The following CASZ1 variants were observed in gnomAD, a reference collection of about 807,000 sequenced individuals.
The protein encoded by CASZ1 is zinc finger protein castor homolog 1.
A neutral mutation model predicts 135.2 loss-of-function variants in CASZ1; 28 were observed. That is an observed-to-expected ratio of 0.21 (90% confidence interval 0.15 to 0.28). The LOEUF (loss-of-function observed/expected upper bound fraction) is 0.28, where lower values mean the gene tolerates loss of function less well. CASZ1 is among the 10% of genes least tolerant of loss of function. The pLI, the probability that CASZ1 is intolerant of heterozygous loss-of-function variation, is 1.00. For synonymous variants in CASZ1, 1,068 were observed against 1,073.4 expected, an observed-to-expected ratio of 0.99 and a Z score of 0.10; for missense variants, 2,161 against 2,453.3, an observed-to-expected ratio of 0.88 and a Z score of 2.52.
rs115594972 is a variant in CASZ1 at position 10,718,337 on chromosome 1, T to C, written c.-76-12793A>G. Among the ~76,000 whole-genome samples the C allele has an allele frequency of 5.6e-3, 851 of 152,334 alleles. 12 individuals are homozygous for C. Among genetic ancestry groups the C allele is most frequent in the African/African-American group, 0.019 (793 of 41,580 alleles). On this transcript the variant is annotated intron_variant, in intron 2 of 20. Transcript: ENST00000377022. ...CCAGGCCCTGCGCCCACACACAGCC[T>C]GTTGGTTGAGGAATCAAATTTATTA...
chr1:10,754,419 A>T (rs1000417015), intron 2 of CASZ1, among the ~76,000 whole-genome samples: 1 of 152,200 alleles, frequency 6.6e-6, no homozygotes, highest in Admixed American at 6.5e-5. Context: ...ATGAATAGCC[A>T]GAGGTGACAG....
intron 4 of CASZ1, among the ~76,000 whole-genome samples, chr1:10,678,247 C>A: frequency 6.6e-6 from 1 of 152,206 alleles, no homozygotes; most frequent in East Asian, 1.9e-4. Flanking sequence ...GCGACGGCGA[C>A]CATGACGAGG....
chr1:10,675,911 G>A (rs569742684), intron 4 of CASZ1, among the ~76,000 whole-genome samples: 6 of 151,916 alleles, frequency 3.9e-5, no homozygotes, highest in South Asian at 2.1e-4. Flanking sequence ...AGGCCGGTCC[G>A]GGCCAGAGCT....
At position 10,788,285 on chromosome 1, in the gene CASZ1, G is replaced by A. The variant is rs989053446; in HGVS notation, c.-234+8279C>T. 6.6e-6 allele frequency among the ~76,000 whole-genome samples: 1 copy of A among 152,074 alleles called. No individual in the cohort carries two copies. The highest frequency in any genetic ancestry group is 2.4e-5 in the African/African-American group (1 of 41,378). ...AGTGCTAGCCCCGATCCACCTATGG[G>A]GTCCCCTGGGTGACAGTTTGACAGC... On this transcript the variant is annotated intron_variant, in intron 1 of 20. Coordinates refer to ENST00000377022, the MANE Select transcript of CASZ1 (RefSeq NM_001079843.3). The surrounding 1 kb of genome is among the most constrained non-coding windows in gnomAD (Gnocchi z 4.1).
rs1640262776 is a variant in CASZ1 at position 10,756,614 on chromosome 1, G to A, written c.-77+4087C>T. Among the ~76,000 whole-genome samples, 1 of 152,226 alleles carries A rather than the reference G, an allele frequency of 6.6e-6. No homozygotes were observed. The highest frequency in any genetic ancestry group is 1.5e-5 in the Non-Finnish European group (1 of 68,038). On this transcript the variant is annotated intron_variant, in intron 2 of 20. Transcript: ENST00000377022. The surrounding 1 kb of genome is among the most constrained non-coding windows in gnomAD (Gnocchi z 5.9). ...TGCCTGCCCCAACCTGGCCCTCACA[G>A]ATGGTGTCAGGACCCAGGAGAGTGG...
At chr1:10,744,769 T>C (rs2100541506) in intron 2 of CASZ1, among the ~76,000 whole-genome samples, 1 of 152,256 alleles carries the variant, frequency 6.6e-6, no homozygotes, top group East Asian at 1.9e-4. Context: ...GGGCAAGGAC[T>C]GTATGTCTGG....
Position 10,707,692 on chromosome 1 carries a change from G to T in CASZ1, c.-76-2148C>A, listed in dbSNP as rs1301847708. On this transcript the variant is annotated intron_variant, in intron 2 of 20. Coordinates refer to ENST00000377022, the MANE Select transcript of CASZ1 (RefSeq NM_001079843.3). The surrounding 1 kb of genome is among the most constrained non-coding windows in gnomAD (Gnocchi z 5.0). ...GACCCTGGGATACTGGGACCCCAGTGGGGGCCTAAGAAGTAGCTGAGAGTT... is the reference window on the plus strand; with the variant it reads ...GACCCTGGGATACTGGGACCCCAGTTGGGGCCTAAGAAGTAGCTGAGAGTT... Among the ~76,000 whole-genome samples, 2 of 152,154 alleles carry T rather than the reference G, an allele frequency of 1.3e-5. No individual in the cohort carries two copies. The highest frequency in any genetic ancestry group is 4.8e-5 in the African/African-American group (2 of 41,436).
chr1:10,750,126 A>G lies in CASZ1; in HGVS notation c.-77+10575T>C, dbSNP rs562950778. On this transcript the variant is annotated intron_variant, in intron 2 of 20. Coordinates refer to ENST00000377022, the MANE Select transcript of CASZ1 (RefSeq NM_001079843.3). ...CAGGCCAGAGCCATGGCTCTGAGAAACCCTGGCACACGTGTGGCCCAGGAG... is the reference window on the plus strand; with the variant it reads ...CAGGCCAGAGCCATGGCTCTGAGAAGCCCTGGCACACGTGTGGCCCAGGAG... 6.6e-5 allele frequency among the ~76,000 whole-genome samples: 10 copies of G among 152,084 alleles called. No homozygotes were observed. The East Asian group carries it at 1.9e-3, about 30-fold the overall frequency.
intron 8 of CASZ1, among the ~76,000 whole-genome samples, chr1:10,656,383 C>A (rs61776295): frequency 6.6e-6 from 1 of 152,150 alleles, no homozygotes; most frequent in Non-Finnish European, 1.5e-5. Context: ...GCCCTGGGCA[C>A]GTGGGAGGCT....
At chr1:10,664,993 G>T in intron 5 of CASZ1, 90 bp downstream of exon 5, 2 of 1,362,102 alleles carry the variant, frequency 1.5e-6, no homozygotes, top group South Asian at 1.8e-5. Context: ...CAGGAGTGAG[G>T]AGTCGGGTGT....
rs1639782702 is a variant in CASZ1 at position 10,735,602 on chromosome 1, G to A, written c.-77+25099C>T. On this transcript the variant is annotated intron_variant, in intron 2 of 20. Transcript: ENST00000377022. The surrounding 1 kb of genome is among the most constrained non-coding windows in gnomAD (Gnocchi z 5.1). ...TCTTAGCCAAGTGCCACGGACAGAA[G>A]TTTTGCCTTTACCCATCCCAAATGA... Among the ~76,000 whole-genome samples, 1 of 152,230 alleles carries A rather than the reference G, an allele frequency of 6.6e-6. No individual in the cohort carries two copies. Among genetic ancestry groups the A allele is most frequent in the Admixed American group, 6.5e-5 (1 of 15,282 alleles).
At chr1:10,786,784 AGT>A (rs1640867946) in intron 1 of CASZ1, among the ~76,000 whole-genome samples, 1 of 152,226 alleles carries the variant, frequency 6.6e-6, no homozygotes, top group Non-Finnish European at 1.5e-5. Context: ...GGCACAAAAC[AGT>A]AAAGCACACC....
At chr1:10,791,081 C>CAAAAAAAAAAAAAAAAAAAAA (rs61062042) in intron 1 of CASZ1, among the ~76,000 whole-genome samples, 2 of 121,196 alleles carry the variant, frequency 1.7e-5, no homozygotes, top group Non-Finnish European at 1.9e-5. Context: ...CTCTTCCCAT[C>CAAAAAAAAAAAAAAAAAAAAA]AAAAAAAAAA....
At chr1:10,667,194 G>A (rs1184205514) in intron 4 of CASZ1, among the ~76,000 whole-genome samples, 1 of 152,212 alleles carries the variant, frequency 6.6e-6, no homozygotes, top group African/African-American at 2.4e-5. Context: ...TGACTCATAC[G>A]CACAGATAAC....
intron 4 of CASZ1, 51 bp from the exon 5 acceptor site, chr1:10,665,622 C>A: frequency 6.7e-7 from 1 of 1,482,550 alleles, no homozygotes; most frequent in Middle Eastern, 2.5e-4. Flanking sequence ...AGGCCAAGAA[C>A]AACCCACCCT....
intron 2 of CASZ1, among the ~76,000 whole-genome samples, chr1:10,750,058 G>A (rs141552274): frequency 6.6e-6 from 1 of 152,282 alleles, no homozygotes; most frequent in Non-Finnish European, 1.5e-5. Context: ...CTAGACAGGG[G>A]CATTGCATGA....
chr1:10,754,192 A>G (rs1174413526), intron 2 of CASZ1, among the ~76,000 whole-genome samples: 1 of 152,042 alleles, frequency 6.6e-6, no homozygotes, highest in Non-Finnish European at 1.5e-5. Flanking sequence ...CAAACCATCC[A>G]TCCACCTGCC....
intron 1 of CASZ1, among the ~76,000 whole-genome samples, chr1:10,782,711 C>G (rs367717409): frequency 1.3e-5 from 2 of 150,368 alleles, no homozygotes; most frequent in African/African-American, 4.9e-5. Flanking sequence ...TTAACTCATT[C>G]GGGATCGCTG....
chr1:10,764,016 C>A (rs889644106), intron 1 of CASZ1, among the ~76,000 whole-genome samples: 4 of 152,200 alleles, frequency 2.6e-5, no homozygotes, highest in African/African-American at 9.7e-5. Context: ...GCAAGTGCCA[C>A]CACGCCTGGC....
Sources: allele counts gnomAD v4.1 joint callset (sites outside exome capture counted in the v4.1 genomes callset), GRCh38; gene constraint gnomAD v4.1.1; non-coding constraint Gnocchi (gnomAD v3.1); transcripts MANE v1.5; gene names NCBI Gene and HGNC (gene_info 2026-07-23, HGNC 2026-07-21).